Variants in UNC13A observed in about 807,000 individuals in gnomAD.
The protein encoded by UNC13A is unc-13 homolog A.
UNC13A carries 61 observed loss-of-function variants against 219.7 expected under a neutral mutation model. The observed-to-expected ratio is 0.28, with a 90% confidence interval of 0.23 to 0.34. The LOEUF (loss-of-function observed/expected upper bound fraction) is 0.34. UNC13A is among the 10% of genes least tolerant of loss of function. UNC13A has a pLI of 1.00. For synonymous variants in UNC13A, 920 were observed against 884.6 expected, an observed-to-expected ratio of 1.04 and a Z score of -0.71; for missense variants, 1,476 against 2,270.3, an observed-to-expected ratio of 0.65 and a Z score of 7.11.
At chr19:17,618,624 C>A in intron 39 of UNC13A, 123 bp from the exon 40 acceptor site, 3 of 1,002,646 alleles carry the variant, frequency 3.0e-6, no homozygotes, top group Admixed American at 2.1e-5. Context: ...TTTCATCATC[C>A]CAGCACCCAA....
intron 1 of UNC13A, among the ~76,000 whole-genome samples, chr19:17,679,292 C>T (rs1297431983): frequency 4.6e-5 from 7 of 151,624 alleles, no homozygotes; most frequent in Middle Eastern, 3.4e-3. Context: ...CCCAGCTACT[C>T]GGGAGGCTGA....
At chr19:17,654,540 A>G (rs2079414050) in intron 11 of UNC13A, among the ~76,000 whole-genome samples, 1 of 152,172 alleles carries the variant, frequency 6.6e-6, no homozygotes, top group Admixed American at 6.5e-5. Flanking sequence ...TTTGGAGGGT[A>G]ACTCTGAAGA....
chr19:17,655,525 T>G, intron 10 of UNC13A, 143 bp from the exon 11 acceptor site: 1 of 746,194 alleles, frequency 1.3e-6, no homozygotes, highest in South Asian at 1.8e-5. Context: ...GTGAGTCCCC[T>G]GGCCCACCTC....
chr19:17,616,460 A>G (rs2076664821), intron 41 of UNC13A: 1 of 465,554 alleles, frequency 2.1e-6, no homozygotes, highest in East Asian at 6.1e-5. Flanking sequence ...CTTTTCCACC[A>G]TGGACTAATT....
chr19:17,661,230 T>C (rs1184339675), intron 8 of UNC13A, among the ~76,000 whole-genome samples: 1 of 152,068 alleles, frequency 6.6e-6, no homozygotes, highest in East Asian at 1.9e-4. Context: ...TGAGCCAGTG[T>C]GGCTGGCCTA....
Position 17,640,537 on chromosome 19 carries a change from C to G in UNC13A, c.2761G>C (p.Asp921His). 4 of 1,551,630 alleles carry G rather than the reference C, an allele frequency of 2.6e-6. No individual in the cohort carries two copies. Among genetic ancestry groups the G allele is most frequent in the Non-Finnish European group, 3.5e-6 (4 of 1,148,000 alleles). Residue 921 changes from aspartate (D) to histidine (H), a missense_variant, in exon 22 of 44, where the codon GAC becomes CAC. Transcript: ENST00000519716. ...CCAAAGTTGGAGGCGGCGAAGCGGTCGGAGGCAGACACGTTGGTGGAGGCG... is the reference window on the plus strand; with the variant it reads ...CCAAAGTTGGAGGCGGCGAAGCGGTGGGAGGCAGACACGTTGGTGGAGGCG... ...TTASTNVSAS[D>H]RFAASNFGKE...
intron 25 of UNC13A, 132 bp from the exon 26 acceptor site, chr19:17,636,289 T>C (rs1776043003): frequency 9.7e-6 from 11 of 1,135,872 alleles, no homozygotes; most frequent in African/African-American, 1.5e-5. Context: ...GTAAGAAATC[T>C]ATATAGAGAG....
intron 1 of UNC13A, among the ~76,000 whole-genome samples, chr19:17,683,595 T>C (rs1288656124): frequency 7.4e-4 from 108 of 146,322 alleles, no homozygotes; most frequent in African/African-American, 2.6e-3. Context: ...AAGGTGGAGG[T>C]TTCAGTGAAC....
rs542318825 is a variant in UNC13A at position 17,688,059 on chromosome 19, A to C, written c.22+119T>G. The stretch of plus-strand genomic sequence containing the variant: ...CGTCGACAAGGGCTACCCCTCTCAA[A>C]AGTCCAGCCACCTGGACTCGGGTCA... On this transcript the variant is annotated intron_variant, in intron 1 of 43. Transcript: ENST00000519716. The C allele has an allele frequency of 9.0e-4, 1,171 of 1,306,924 alleles. 25 individuals are homozygous for C. The South Asian group carries it at 0.017, about 19-fold the overall frequency. 81.0% of individuals were successfully genotyped at this position (1,306,924 alleles called of 1,614,324 possible).
At chr19:17,647,161 G>A (rs1398559384) in intron 17 of UNC13A, 104 bp downstream of exon 17, 52 of 1,088,218 alleles carry the variant, frequency 4.8e-5, no homozygotes, top group South Asian at 6.1e-5. Flanking sequence ...CCGACCGAGT[G>A]AGTGCGCGCT....
In UNC13A at chr19:17,627,437, C is replaced by T. The variant is rs116589664; in HGVS notation, c.3920+72G>A. ...CTTCACCTCTACATCTGCTGAGCCT[C>T]CAGATGCCCCAGGCTTAGAGGGCTG... On this transcript the variant is annotated intron_variant, in intron 33 of 43. Transcript: ENST00000519716. This position sits in a 1 kb window ranked among gnomAD's most constrained non-coding sequence, Gnocchi z 4.7. 1,068 of 1,207,586 alleles carry T rather than the reference C, an allele frequency of 8.8e-4. 9 individuals carry two copies. The African/African-American group carries it at 0.013, about 15-fold the overall frequency. The allele number at this position is 1,207,586 out of a possible 1,614,324, so 74.8% of individuals were successfully genotyped here.
chr19:17,653,821 CTTTTTTTTTTTTTT>C lies in UNC13A; in HGVS notation c.1393-1158_1393-1145del, dbSNP rs57243215. Among the ~76,000 whole-genome samples, 15 of 78,278 alleles carry C rather than the reference CTTTTTTTTTTTTTT, an allele frequency of 1.9e-4. No individual in the cohort carries two copies. In the Admixed American group the frequency reaches 2.2e-3, roughly 12 times the overall value. The allele number at this position is 78,278 out of a possible 152,430, so 51.4% of individuals were successfully genotyped here. On this transcript the variant is annotated intron_variant, in intron 11 of 43. Transcript: ENST00000519716. Reference sequence around the variant, plus strand: ...AATAAATATTTTGGATATCACTTCTCTTTTTTTTTTTTTTTTTTTTTTTGAAATGGAGTCTCGCT... The same window carrying C: ...AATAAATATTTTGGATATCACTTCTCTTTTTTTTTGAAATGGAGTCTCGCT...
chr19:17,623,561 T>C lies in UNC13A; in HGVS notation c.4198-14A>G, dbSNP rs1327577873. 4 of 383,170 alleles carry C rather than the reference T, an allele frequency of 1.0e-5. No homozygotes were observed. The highest frequency in any genetic ancestry group is 5.0e-5 in the East Asian group (1 of 20,014). 23.7% of individuals were successfully genotyped at this position (383,170 alleles called of 1,614,324 possible). A position where few individuals can be genotyped will look rare whatever the true frequency, so the allele number is the denominator to read the frequency against. On this transcript the variant is annotated splice_polypyrimidine_tract_variant and intron_variant, in intron 35 of 43. Coordinates refer to ENST00000519716, the MANE Select transcript of UNC13A (RefSeq NM_001080421.3). ...ACTTACGATCATCTGTCATCCGTGATGGGGGCGGGGCGGTGGGGGAGGGGG... is the reference window on the plus strand; with the variant it reads ...ACTTACGATCATCTGTCATCCGTGACGGGGGCGGGGCGGTGGGGGAGGGGG...
chr19:17,675,943 C>T, intron 2 of UNC13A, 69 bp downstream of exon 2: 2 of 1,534,734 alleles, frequency 1.3e-6, no homozygotes, highest in African/African-American at 1.4e-5. Flanking sequence ...GGGACCCCCT[C>T]CCAGTCTCTC....
At chr19:17,625,094 G>T (rs1324573437) in intron 34 of UNC13A, 142 bp from the exon 35 acceptor site, 1 of 1,294,036 alleles carries the variant, frequency 7.7e-7, no homozygotes, top group Non-Finnish European at 1.0e-6. Flanking sequence ...GGTTTGATGG[G>T]GCTATGATAT....
intron 12 of UNC13A, among the ~76,000 whole-genome samples, chr19:17,651,313 T>C (rs1259977354): frequency 6.6e-6 from 1 of 152,012 alleles, no homozygotes; most frequent in African/African-American, 2.4e-5. Context: ...GGTCTTGAAC[T>C]CCTAGCCTCA....
Position 17,647,446 on chromosome 19 carries a change from C to G in UNC13A, c.1863G>C (p.Gln621His). The part of the protein sequence containing the change: ...SSKHGAEDRT[Q>H]NIIMVLKDRM... ...GGTCCTTGAGCACCATGATGATGTTCTGTGTCCGGTCCTCCGCCCCGTGCT... is the reference window on the plus strand; with the variant it reads ...GGTCCTTGAGCACCATGATGATGTTGTGTGTCCGGTCCTCCGCCCCGTGCT... Residue 621 changes from glutamine to histidine, a missense_variant, in exon 17 of 44, where the codon CAG becomes CAC. Physicochemically the swap from Gln to His is conservative, Grantham distance 24. Transcript: ENST00000519716. The G allele has an allele frequency of 6.2e-7, 1 of 1,613,638 alleles. No individual in the cohort carries two copies. Among genetic ancestry groups the G allele is most frequent in the Non-Finnish European group, 8.5e-7 (1 of 1,179,826 alleles).
At chr19:17,617,601 C>A in intron 41 of UNC13A, 101 bp downstream of exon 41, 1 of 1,515,626 alleles carries the variant, frequency 6.6e-7, no homozygotes, top group Non-Finnish European at 9.0e-7. Context: ...TCCGCCCCAT[C>A]CATGACGTCA....
chr19:17,626,334 C>A, intron 34 of UNC13A: 1 of 300,616 alleles, frequency 3.3e-6, no homozygotes, highest in Non-Finnish European at 6.2e-6. Context: ...AACATCTATC[C>A]TCCCTCTATC....
Sources: allele counts gnomAD v4.1 joint callset (sites outside exome capture counted in the v4.1 genomes callset), GRCh38; gene constraint gnomAD v4.1.1; non-coding constraint Gnocchi (gnomAD v3.1); transcripts MANE v1.5; gene names NCBI Gene and HGNC (gene_info 2026-07-23, HGNC 2026-07-21).